Variants in ME2 observed in about 807,000 individuals in gnomAD.
The protein encoded by ME2 is malic enzyme 2.
A neutral mutation model predicts 73.7 loss-of-function variants in ME2; 60 were observed. The observed-to-expected ratio is 0.81, with a 90% confidence interval of 0.66 to 1.01. The LOEUF (loss-of-function observed/expected upper bound fraction) is 1.01, where lower values mean the gene tolerates loss of function less well. Among genes scored for constraint, ME2 ranks in the 50% least tolerant of loss-of-function variants. The pLI, the probability that ME2 is intolerant of heterozygous loss-of-function variation, is 0.00. For synonymous variants in ME2, 199 were observed against 236.9 expected (o/e 0.84, Z 1.47); for missense variants, 594 against 705.5 (o/e 0.84, Z 1.79).
chr18:50,931,192 G>C (rs1294594583), intron 12 of ME2, among the ~76,000 whole-genome samples: 1 of 152,176 alleles, frequency 6.6e-6, no homozygotes, highest in Admixed American at 6.5e-5. Flanking sequence ...ATAGAGCATA[G>C]TATCAAAATT....
In ME2 at chr18:50,939,598, C is replaced by T. The variant is rs756093180; in HGVS notation, c.1446C>T (p.Asn482=). ...PGVALAVILC[N]TRHISDSVFL... ...TGGCTTTAGCTGTTATTCTCTGTAA[C>T]ACCCGGCATATTAGTGACAGTGTTT... is the stretch of plus-strand genomic sequence containing the variant. The change falls in exon 14 of 16, where the codon AAC becomes AAT. Residue 482 remains asparagine (N), a synonymous_variant. Coordinates refer to ENST00000321341, the MANE Select transcript of ME2 (RefSeq NM_002396.5). 12 of 1,612,430 alleles carry T rather than the reference C, an allele frequency of 7.4e-6. No homozygotes were observed. Among genetic ancestry groups the T allele is most frequent in the Middle Eastern group, 1.7e-4 (1 of 6,050 alleles).
In ME2 at chr18:50,937,619, A is replaced by AG. The variant is rs1917847622; in HGVS notation, c.1418-1950dup. On this transcript the variant is annotated intron_variant, in intron 13 of 15. Transcript: ENST00000321341. ...ACAAGGATAATGGGAAGAGAAGGAAAGTTTTAAAAATTATCAATATCCTCA... is the reference window on the plus strand; with the variant it reads ...ACAAGGATAATGGGAAGAGAAGGAAAGGTTTTAAAAATTATCAATATCCTCA... 2.0e-5 allele frequency among the ~76,000 whole-genome samples: 3 copies of AG among 152,304 alleles called. No homozygotes were observed. In the South Asian group the frequency reaches 6.2e-4, roughly 32 times the overall value.
At chr18:50,920,424 AAC>A (rs1917395237) in intron 7 of ME2, 30 bp from the exon 8 acceptor site, 1 of 1,411,410 alleles carries the variant, frequency 7.1e-7, no homozygotes, top group South Asian at 1.2e-5. Context: ...TGTTATTTTC[AAC>A]ACAACTATTG....
chr18:50,907,911 T>C, intron 2 of ME2, 152 bp from the exon 3 acceptor site: 1 of 538,026 alleles, frequency 1.9e-6, no homozygotes. Flanking sequence ...CCCTGACCAA[T>C]ACTGACATCA....
intron 13 of ME2, chr18:50,932,858 G>A (rs1917730859): frequency 6.6e-6 from 1 of 152,508 alleles, no homozygotes; most frequent in South Asian, 2.1e-4. Flanking sequence ...GTTTCACCAT[G>A]TTGACCAGGC....
At chr18:50,926,009 A>C in intron 12 of ME2, 111 bp downstream of exon 12, 1 of 709,622 alleles carries the variant, frequency 1.4e-6, no homozygotes. Context: ...TACAGCATGC[A>C]TCTATGGGTG....
At chr18:50,907,874 G>C (rs1055581361) in intron 2 of ME2, among the ~76,000 whole-genome samples, 189 bp from the exon 3 acceptor site, 1 of 152,108 alleles carries the variant, frequency 6.6e-6, no homozygotes, top group Non-Finnish European at 1.5e-5. Flanking sequence ...TCCCAGCAGT[G>C]GTTTGTGAGA....
At chr18:50,890,830 G>A (rs1303991305) in intron 1 of ME2, among the ~76,000 whole-genome samples, 1 of 152,090 alleles carries the variant, frequency 6.6e-6, no homozygotes, top group East Asian at 1.9e-4. Context: ...TATGTACCAG[G>A]TACAGAGTTC....
chr18:50,945,633 A>G (rs1250643818), intron 15 of ME2, among the ~76,000 whole-genome samples: 1 of 152,170 alleles, frequency 6.6e-6, no homozygotes, highest in Non-Finnish European at 1.5e-5. Flanking sequence ...TAACCATCTT[A>G]TTCTGAGATT....
intron 1 of ME2, among the ~76,000 whole-genome samples, chr18:50,893,151 A>AAAAAAAAAAAAAAAAAAC (rs1916649164): frequency 7.0e-5 from 10 of 143,344 alleles, no homozygotes; most frequent in South Asian, 2.3e-4. Context: ...AAAAAAAAAA[A>AAAAAAAAAAAAAAAAAAC]ACACCTTTAA....
chr18:50,893,278 G>A (rs1018596263), intron 1 of ME2, among the ~76,000 whole-genome samples: 5 of 151,796 alleles, frequency 3.3e-5, no homozygotes, highest in Admixed American at 2.6e-4. Flanking sequence ...CATCAAGATG[G>A]TAGCATAAAT....
chr18:50,909,694 CAAG>C (rs1427746923), intron 3 of ME2, among the ~76,000 whole-genome samples: 1 of 151,900 alleles, frequency 6.6e-6, no homozygotes, highest in Non-Finnish European at 1.5e-5. Flanking sequence ...ACTACCCTTA[CAAG>C]AAGTTCAGGT....
chr18:50,925,404 AG>A (rs1917527322), intron 11 of ME2, among the ~76,000 whole-genome samples: 1 of 152,186 alleles, frequency 6.6e-6, no homozygotes, highest in Admixed American at 6.5e-5. Flanking sequence ...ACTTGAACCC[AG>A]GAGGGAGAGG....
chr18:50,933,155 T>C (rs1057484700), intron 13 of ME2: 2 of 152,246 alleles, frequency 1.3e-5, no homozygotes, highest in Non-Finnish European at 2.9e-5. Context: ...TTCTGGAGAA[T>C]TATTAGGATT....
chr18:50,881,231 TTC>T (rs1916313338), intron 1 of ME2, among the ~76,000 whole-genome samples: 1 of 152,056 alleles, frequency 6.6e-6, no homozygotes, highest in South Asian at 2.1e-4. Context: ...GAGACAGGGT[TTC>T]ACCATGTTTT....
intron 3 of ME2, among the ~76,000 whole-genome samples, chr18:50,912,377 C>T (rs1002920009): frequency 1.3e-5 from 2 of 152,122 alleles, no homozygotes; most frequent in Admixed American, 6.6e-5. Flanking sequence ...TCTTATATCC[C>T]TGGAGAATAG....
At chr18:50,928,695 G>A (rs1222384430) in intron 12 of ME2, among the ~76,000 whole-genome samples, 1 of 152,188 alleles carries the variant, frequency 6.6e-6, no homozygotes, top group African/African-American at 2.4e-5. Context: ...GAGGCCTGGG[G>A]TATTTCCAGT....
chr18:50,886,193 C>G (rs1916463564), intron 1 of ME2, among the ~76,000 whole-genome samples: 1 of 149,868 alleles, frequency 6.7e-6, no homozygotes, highest in Non-Finnish European at 1.5e-5. Context: ...CTTGGGAAGC[C>G]TATACAGGTA....
rs953748687 is a variant in ME2 at position 50,947,724 on chromosome 18, T to C, written c.*540T>C. ...TATAGCAGACAGAGCTAGGGAAATA[T>C]TAAAAATTTACCCTATTTATTTTCT... On this transcript the variant is annotated 3_prime_UTR_variant, in exon 16 of 16. Transcript: ENST00000321341. The C allele has an allele frequency of 6.6e-6, 1 of 152,230 alleles. No homozygotes were observed. Among genetic ancestry groups the C allele is most frequent in the Non-Finnish European group, 1.5e-5 (1 of 68,074 alleles). The allele number at this position is 152,230 out of a possible 1,614,324, so 9.4% of individuals were successfully genotyped here.
Sources: gnomAD v4.1 joint callset for allele counts (sites outside exome capture counted in the v4.1 genomes callset) on GRCh38, gnomAD v4.1.1 for gene constraint, MANE v1.5 for transcripts, NCBI Gene and HGNC (gene_info 2026-07-23, HGNC 2026-07-21) for gene names.